The following STXBP5L variants were observed in gnomAD, a reference collection of about 807,000 sequenced individuals.
The protein encoded by STXBP5L is syntaxin-binding protein 5-like.
Under a neutral mutation model 144.5 loss-of-function variants are expected in STXBP5L, and 65 were observed. That is an observed-to-expected ratio of 0.45 (90% CI 0.37 to 0.55). STXBP5L has a LOEUF of 0.55. STXBP5L is among the 20% of genes least tolerant of loss of function. STXBP5L has a pLI of 0.00. For missense variants in STXBP5L, 1,298 were observed against 1,405.5 expected, an observed-to-expected ratio of 0.92 and a Z score of 1.22; for synonymous variants, 505 against 469.6, an observed-to-expected ratio of 1.08 and a Z score of -0.97.
At chr3:121,214,250 C>G (rs2048691494) in intron 10 of STXBP5L, among the ~76,000 whole-genome samples, 1 of 152,066 alleles carries the variant, frequency 6.6e-6, no homozygotes, top group Non-Finnish European at 1.5e-5. Flanking sequence ...CTTCTGCTAG[C>G]TTTTGAATAT....
intron 2 of STXBP5L, among the ~76,000 whole-genome samples, chr3:120,951,576 G>A (rs372338317): frequency 2.6e-4 from 40 of 152,214 alleles, no homozygotes; most frequent in Admixed American, 1.8e-3. Flanking sequence ...ACTGGCCATC[G>A]GAGAAATGCA....
intron 10 of STXBP5L, among the ~76,000 whole-genome samples, chr3:121,217,606 G>C (rs1411079808): frequency 6.6e-6 from 1 of 151,588 alleles, no homozygotes; most frequent in Non-Finnish European, 1.5e-5. Flanking sequence ...GGGAGCTGCA[G>C]ACCAGAGCTG....
At chr3:121,185,861 G>C (rs933670199) in intron 9 of STXBP5L, among the ~76,000 whole-genome samples, 8 of 152,134 alleles carry the variant, frequency 5.3e-5, no homozygotes, top group African/African-American at 1.9e-4. Context: ...GATGGAGATG[G>C]CATTGAATCT....
At chr3:121,128,810 T>G (rs773018936) in intron 7 of STXBP5L, among the ~76,000 whole-genome samples, 11 of 152,030 alleles carry the variant, frequency 7.2e-5, no homozygotes, top group Admixed American at 2.0e-4. Flanking sequence ...ACCATCAAAA[T>G]GGAAAATCAC....
intron 21 of STXBP5L, 133 bp from the exon 22 acceptor site, chr3:121,381,160 T>A: frequency 1.2e-6 from 1 of 854,928 alleles, no homozygotes; most frequent in Non-Finnish European, 1.7e-6. Flanking sequence ...CTGGATAAGC[T>A]CCCTCTCAGG....
intron 7 of STXBP5L, among the ~76,000 whole-genome samples, chr3:121,132,277 T>C (rs1161733058): frequency 6.6e-6 from 1 of 152,164 alleles, no homozygotes; most frequent in African/African-American, 2.4e-5. Context: ...GTGCATCCAG[T>C]GCCCCAGCTT....
rs112207884 is a variant in STXBP5L at position 121,205,876 on chromosome 3, A to G, written c.878-47A>G. On this transcript the variant is annotated intron_variant, in intron 9 of 26. Transcript: ENST00000471454. ...TAGTCAAATTTTTTAATTCTTACAG[A>G]TGAATATAATTTAAATTAGATTCAA... 2,981 of 1,010,104 alleles carry G rather than the reference A, an allele frequency of 3.0e-3. 4 individuals carry two copies. The highest frequency in any genetic ancestry group is 3.3e-3 in the Non-Finnish European group (2,357 of 710,466). The allele number at this position is 1,010,104 out of a possible 1,614,324, so 62.6% of individuals were successfully genotyped here. A position where few individuals can be genotyped will look rare whatever the true frequency, so the allele number is the denominator to read the frequency against.
At chr3:120,947,089 G>T (rs939614904) in intron 2 of STXBP5L, among the ~76,000 whole-genome samples, 30 of 151,662 alleles carry the variant, frequency 2.0e-4, no homozygotes, top group African/African-American at 7.3e-4. Flanking sequence ...ATTTTGAAGG[G>T]AGAGTGGAAC....
intron 9 of STXBP5L, among the ~76,000 whole-genome samples, chr3:121,185,493 T>C (rs2047339307): frequency 6.6e-6 from 1 of 152,212 alleles, no homozygotes; most frequent in Non-Finnish European, 1.5e-5. Context: ...AAGTAAGGGA[T>C]CCAGTTTCAG....
chr3:121,321,275 A>G lies in STXBP5L; in HGVS notation c.2176+2735A>G, dbSNP rs186411929. Among the ~76,000 whole-genome samples the G allele has an allele frequency of 4.3e-4, 65 of 152,336 alleles. No individual in the cohort carries two copies. The East Asian group carries it at 0.011, about 26-fold the overall frequency. On this transcript the variant is annotated intron_variant, in intron 20 of 26. Transcript: ENST00000471454. ...CTTATAACAGTTTTGTAATCATTAA[A>G]TGTTATATTTGTTAAACTATGTGAA...
chr3:120,931,614 A>G (rs1459064904), intron 2 of STXBP5L, among the ~76,000 whole-genome samples: 1 of 152,212 alleles, frequency 6.6e-6, no homozygotes, highest in Admixed American at 6.5e-5. Flanking sequence ...TTTTGTAGAT[A>G]AAGTTGCTAG....
chr3:121,313,716 G>A (rs1219577859), intron 19 of STXBP5L, among the ~76,000 whole-genome samples: 13 of 92,684 alleles, frequency 1.4e-4, no homozygotes, highest in African/African-American at 1.6e-4. Context: ...CGGACGGGGC[G>A]GCTGGCCGGG....
chr3:121,168,396 C>G (rs567964952), intron 9 of STXBP5L, among the ~76,000 whole-genome samples: 4 of 152,062 alleles, frequency 2.6e-5, no homozygotes, highest in Non-Finnish European at 5.9e-5. Flanking sequence ...CTCCTCTGAG[C>G]TAAAGGAGGA....
At chr3:121,197,338 T>C (rs1178008139) in intron 9 of STXBP5L, among the ~76,000 whole-genome samples, 1 of 152,208 alleles carries the variant, frequency 6.6e-6, no homozygotes, top group Non-Finnish European at 1.5e-5. Flanking sequence ...GAATGTTTAA[T>C]CAATTCACAT....
intron 5 of STXBP5L, among the ~76,000 whole-genome samples, chr3:121,090,826 G>C (rs1002077198): frequency 1.3e-5 from 2 of 151,676 alleles, no homozygotes; most frequent in Non-Finnish European, 2.9e-5. Context: ...TGTGCACAAC[G>C]TGCAGGTTAG....
At chr3:121,022,209 T>A (rs959917541) in intron 3 of STXBP5L, among the ~76,000 whole-genome samples, 1 of 152,014 alleles carries the variant, frequency 6.6e-6, no homozygotes, top group African/African-American at 2.4e-5. Context: ...ACCTCTTAGA[T>A]TAAACCAGGA....
intron 14 of STXBP5L, among the ~76,000 whole-genome samples, chr3:121,248,133 G>A (rs749653267): frequency 1.6e-4 from 24 of 151,706 alleles, no homozygotes; most frequent in Non-Finnish European, 3.2e-4. Context: ...GCACAGTCTC[G>A]GCTCACTACA....
chr3:121,015,617 C>T (rs1053725996), intron 3 of STXBP5L, among the ~76,000 whole-genome samples: 1 of 152,152 alleles, frequency 6.6e-6, no homozygotes, highest in Non-Finnish European at 1.5e-5. Flanking sequence ...GGGAACCCAC[C>T]AGGTTCTCAT....
At chr3:121,144,549 G>A (rs902435328) in intron 7 of STXBP5L, among the ~76,000 whole-genome samples, 2 of 151,892 alleles carry the variant, frequency 1.3e-5, no homozygotes, top group African/African-American at 4.8e-5. Context: ...ACTATGGAAA[G>A]CAGTGTGGAG....
Sources: gnomAD v4.1 joint callset for allele counts (sites outside exome capture counted in the v4.1 genomes callset) on GRCh38, gnomAD v4.1.1 for gene constraint, MANE v1.5 for transcripts, NCBI Gene and HGNC (gene_info 2026-07-23, HGNC 2026-07-21) for gene names.